The following ZNF275 variants were observed in gnomAD, a reference collection of about 807,000 sequenced individuals.
The protein encoded by ZNF275 is zinc finger protein 275.
In ZNF275, 4 loss-of-function variants were observed where a neutral mutation model predicts 4.3. The observed-to-expected ratio is 0.93, with a 90% CI of 0.46 to 2.13. The LOEUF (loss-of-function observed/expected upper bound fraction) is 2.13. Ranked by LOEUF, ZNF275 falls within the 30% of genes most tolerant of loss-of-function variation. The probability of loss-of-function intolerance (pLI) is 0.02; values close to 1 mark genes in which losing one functional copy is unlikely to be tolerated. For missense variants in ZNF275, 352 were observed against 397.1 expected, an observed-to-expected ratio of 0.89 and a Z score of 0.97; for synonymous variants, 173 against 166.9, an observed-to-expected ratio of 1.04 and a Z score of -0.28.
chrX:153,338,080 C>A (rs1556960733), intron 2 of ZNF275, among the ~76,000 whole-genome samples: 1 of 111,415 alleles, frequency 9.0e-6, no homozygotes, highest in Non-Finnish European at 1.9e-5. Flanking sequence ...GCAGTGGACA[C>A]CTGCGTTTGT....
chrX:153,344,549 C>G (rs1556961321), intron 2 of ZNF275: 1 of 347,250 alleles, frequency 2.9e-6, no homozygotes, highest in Non-Finnish European at 5.6e-6. Context: ...GTGGTTAGGC[C>G]TCCATGTTAG....
rs1299051232 is a variant in ZNF275 at position 153,350,496 on chromosome X, C to T, written c.*2521C>T. ...GCAGCAAGGGCTAGCGAGGAACCTG[C>T]CCCTCCAGTGGCCCACAGAAGCCAC... On this transcript the variant is annotated 3_prime_UTR_variant, in exon 4 of 4. Transcript: ENST00000650114. 1.6e-5 allele frequency: 2 copies of T among 124,140 alleles called. No homozygotes were observed. The highest frequency in any genetic ancestry group is 6.4e-5 in the African/African-American group (2 of 31,047). 10.2% of individuals were successfully genotyped at this position (124,140 alleles called of 1,213,427 possible).
rs2088528845 is a variant in ZNF275, at chrX:153,347,692, T to G, written c.1007T>G (p.Leu336Arg). Residue 336 changes from leucine (L) to arginine (R), a missense_variant, in exon 4 of 4, where the codon CTC becomes CGC. Coordinates refer to ENST00000650114, the MANE Select transcript of ZNF275 (RefSeq NM_001367757.1). ...CGKAFRQSSS[L>R]LEHARIHSGE... ...AAGGCCTTCCGCCAGAGCTCCAGCC[T>G]CCTGGAGCACGCACGCATCCACAGT... 1.7e-6 allele frequency: 2 copies of G among 1,209,812 alleles called. No individual in the cohort carries two copies. The highest frequency in any genetic ancestry group is 5.9e-5 in the East Asian group (2 of 33,765).
chrX:153,343,561 G>A (rs1227540888), intron 2 of ZNF275: 2 of 299,645 alleles, frequency 6.7e-6, no homozygotes, highest in Non-Finnish European at 1.3e-5. Flanking sequence ...TTTCATTTGG[G>A]TTGAACACGT....
intron 3 of ZNF275, 56 bp downstream of exon 3, chrX:153,345,677 G>A (rs2088508948): frequency 9.8e-7 from 1 of 1,024,642 alleles, no homozygotes; most frequent in South Asian, 2.0e-5. Context: ...GCTGCTATGG[G>A]GCATGGGTTA....
intron 3 of ZNF275, among the ~76,000 whole-genome samples, chrX:153,345,854 G>A (rs1053757510): frequency 9.1e-6 from 1 of 110,008 alleles, no homozygotes; most frequent in Non-Finnish European, 1.9e-5. Flanking sequence ...AGGGTTGGGG[G>A]CCCAGCTGAG....
At position 153,351,168 on chromosome X, in the gene ZNF275, TC is replaced by T. The variant is rs2088554027; in HGVS notation, c.*3194del. On this transcript the variant is annotated 3_prime_UTR_variant, in exon 4 of 4. Transcript: ENST00000650114. ...GCTCTTTTAGAGTTAACACTAAAGA[TC>T]TGGTCTTTGCCGTCAAGGTTGACAG... 8.1e-6 allele frequency: 1 copy of T among 123,991 alleles called. No homozygotes were observed. Among genetic ancestry groups the T allele is most frequent in the Admixed American group, 9.3e-5 (1 of 10,714 alleles). The allele number at this position is 123,991 out of a possible 1,213,427, so 10.2% of individuals were successfully genotyped here.
Position 153,334,161 on chromosome X carries a change from G to C in ZNF275, c.-171G>C, listed in dbSNP as rs1310111024. 1 of 110,986 alleles carries C rather than the reference G, an allele frequency of 9.0e-6. No individual in the cohort carries two copies. The highest frequency in any genetic ancestry group is 1.9e-5 in the Non-Finnish European group (1 of 52,620). 9.1% of individuals were successfully genotyped at this position (110,986 alleles called of 1,213,427 possible). A position where few individuals can be genotyped will look rare whatever the true frequency, so the allele number is the denominator to read the frequency against. ...GCGGCGCTCACGGCTCCGGAAACGCGCCGCGGGGCTGTTAGCTCGGCTGGG... is the reference window on the plus strand; with the variant it reads ...GCGGCGCTCACGGCTCCGGAAACGCCCCGCGGGGCTGTTAGCTCGGCTGGG... On this transcript the variant is annotated 5_prime_UTR_variant, in exon 1 of 4. Coordinates refer to ENST00000650114, the MANE Select transcript of ZNF275 (RefSeq NM_001367757.1).
chrX:153,336,824 G>T (rs2088449558), intron 2 of ZNF275, 114 bp downstream of exon 2: 2 of 787,171 alleles, frequency 2.5e-6, no homozygotes, highest in East Asian at 3.5e-5. Flanking sequence ...GGTTCCGGAA[G>T]CACTTATATT....
At chrX:153,345,227 G>A in intron 2 of ZNF275, 2 of 229,993 alleles carry the variant, frequency 8.7e-6, no homozygotes, top group Non-Finnish European at 1.6e-5. Flanking sequence ...GAAGTTAAAT[G>A]TGTGAGCTCT....
At position 153,347,402 on chromosome X, in the gene ZNF275, C is replaced by T. The variant is rs2088525407; in HGVS notation, c.717C>T (p.Cys239=). The T allele has an allele frequency of 3.3e-6, 4 of 1,212,195 alleles. No homozygotes were observed. The African/African-American group carries it at 6.9e-5, about 21-fold the overall frequency. Residue 239 remains cysteine, a synonymous_variant, in exon 4 of 4, where the codon TGC becomes TGT. Transcript: ENST00000650114. ...ACACTTCGGAAAAGCCTTTCGCCTG[C>T]AAGGCGTGCAGCAGGGATTTCCTGG... ...KLHTSEKPFA[C]KACSRDFLDR... is the part of the protein sequence containing the mutation.
Position 153,348,345 on chromosome X carries a change from T to A in ZNF275, c.*370T>A, listed in dbSNP as rs2088535157. ...CTGTTCCACGATGGCGTCCTCATAA[T>A]GTGATCCCAGCTTTCCTGAAGAGAA... On this transcript the variant is annotated 3_prime_UTR_variant, in exon 4 of 4. Transcript: ENST00000650114. The A allele has an allele frequency of 8.1e-6, 1 of 123,580 alleles. No individual in the cohort carries two copies. The highest frequency in any genetic ancestry group is 3.3e-5 in the African/African-American group (1 of 30,563). The allele number at this position is 123,580 out of a possible 1,213,427, so 10.2% of individuals were successfully genotyped here.
At chrX:153,343,309 C>T (rs1187938078) in intron 2 of ZNF275, 6 of 273,087 alleles carry the variant, frequency 2.2e-5, no homozygotes, top group Non-Finnish European at 3.4e-5. Flanking sequence ...CCTTCCTTTT[C>T]ACTGAATTAT....
rs1175117681 is a variant in ZNF275, at chrX:153,352,391, G to A, written c.*4416G>A. On this transcript the variant is annotated 3_prime_UTR_variant, in exon 4 of 4. Coordinates refer to ENST00000650114, the MANE Select transcript of ZNF275 (RefSeq NM_001367757.1). ...ATTTAACCTGTGATTTTATGTCTAC[G>A]TATATTGTTCCTTTACTGAACCCAC... is the stretch of plus-strand genomic sequence containing the variant. The A allele has an allele frequency of 1.8e-5, 2 of 111,929 alleles. No individual in the cohort carries two copies. The highest frequency in any genetic ancestry group is 6.5e-5 in the African/African-American group (2 of 30,770). 9.2% of individuals were successfully genotyped at this position (111,929 alleles called of 1,213,427 possible).
chrX:153,340,929 C>A (rs868981357), intron 2 of ZNF275, among the ~76,000 whole-genome samples: 1 of 112,089 alleles, frequency 8.9e-6, no homozygotes, highest in African/African-American at 3.2e-5. Context: ...TTGAAACCCT[C>A]CAGTTTTCTT....
chrX:153,345,624 G>A lies in ZNF275; in HGVS notation c.133+3G>A, dbSNP rs782571664. ...CACTGATCCTGCTAAGTACTCTGGT[G>A]AGTGAAAAAGAAATGTGAGGAAATT... On this transcript the variant is annotated splice_donor_region_variant and intron_variant, in intron 3 of 3. Coordinates refer to ENST00000650114, the MANE Select transcript of ZNF275 (RefSeq NM_001367757.1). 3 of 1,196,385 alleles carry A rather than the reference G, an allele frequency of 2.5e-6. No individual in the cohort carries two copies. Among genetic ancestry groups the A allele is most frequent in the Non-Finnish European group, 3.4e-6 (3 of 882,399 alleles).
Position 153,352,512 on chromosome X carries a change from G to A in ZNF275, c.*4537G>A, listed in dbSNP as rs782438881. On this transcript the variant is annotated 3_prime_UTR_variant, in exon 4 of 4. Coordinates refer to ENST00000650114, the MANE Select transcript of ZNF275 (RefSeq NM_001367757.1). ...TTCCAGCATGTCCATCAGATGGGGG[G>A]ATTGCTAACTTCTCTCTTACTCATG... 4 of 112,118 alleles carry A rather than the reference G, an allele frequency of 3.6e-5. No homozygotes were observed. The highest frequency in any genetic ancestry group is 1.3e-4 in the African/African-American group (4 of 30,778). The allele number at this position is 112,118 out of a possible 1,213,427, so 9.2% of individuals were successfully genotyped here.
intron 2 of ZNF275, among the ~76,000 whole-genome samples, chrX:153,338,662 GT>G (rs2088461617): frequency 7.4e-3 from 25 of 3,359 alleles, no homozygotes; most frequent in Admixed American, 0.063. Flanking sequence ...TGGGAGGACT[GT>G]GTGTGTGTGT....
In ZNF275 at chrX:153,347,970, G is replaced by A. The variant is rs1556961895; in HGVS notation, c.1285G>A (p.Glu429Lys). 1.8e-6 allele frequency: 2 copies of A among 1,116,357 alleles called. No individual in the cohort carries two copies. Among genetic ancestry groups the A allele is most frequent in the African/African-American group, 1.8e-5 (1 of 54,960 alleles). 92.0% of individuals were successfully genotyped at this position (1,116,357 alleles called of 1,213,427 possible). Residue 429 changes from glutamate to lysine, a missense_variant, in exon 4 of 4, where the codon GAG (glutamate) becomes AAG (lysine). By Grantham distance (56) the Glu-to-Lys change is moderately conservative. Coordinates refer to ENST00000650114, the MANE Select transcript of ZNF275 (RefSeq NM_001367757.1). ...ALQKHQPTHH[E>K] Reference sequence around the variant, plus strand: ...GCAGAAGCATCAGCCAACCCACCACGAGTAGAAACGCCCTGTGGTCCCGCG... The same window carrying A: ...GCAGAAGCATCAGCCAACCCACCACAAGTAGAAACGCCCTGTGGTCCCGCG...
Sources: gnomAD v4.1 joint callset for allele counts (sites outside exome capture counted in the v4.1 genomes callset) on GRCh38, gnomAD v4.1.1 for gene constraint, MANE v1.5 for transcripts, NCBI Gene and HGNC (gene_info 2026-07-23, HGNC 2026-07-21) for gene names.